Variants in ABCC2 observed in about 807,000 individuals in gnomAD.
ABCC2 encodes the protein ATP-binding cassette sub-family C member 2.
A neutral mutation model predicts 173.4 loss-of-function variants in ABCC2; 157 were observed. The observed-to-expected ratio is 0.91, with a 90% CI of 0.80 to 1.03. The LOEUF (loss-of-function observed/expected upper bound fraction) is 1.03. Ranked by LOEUF, ABCC2 falls within the 50% of genes least tolerant of loss-of-function variation. ABCC2 has a pLI of 0.00. For synonymous variants in ABCC2, 657 were observed against 693.5 expected, an observed-to-expected ratio of 0.95 and a Z score of 0.83; for missense variants, 1,822 against 1,852.3, an observed-to-expected ratio of 0.98 and a Z score of 0.30.
At chr10:99,845,601 G>A in intron 28 of ABCC2, 23 bp from the exon 29 acceptor site, 1 of 1,613,984 alleles carries the variant, frequency 6.2e-7, no homozygotes. Flanking sequence ...TGGAACTAAT[G>A]TGTAAGGGAA....
intron 15 of ABCC2, among the ~76,000 whole-genome samples, chr10:99,812,006 C>A (rs1010143350): frequency 6.6e-6 from 1 of 152,216 alleles, no homozygotes; most frequent in Non-Finnish European, 1.5e-5. Flanking sequence ...AATCTGGCTT[C>A]TCAGTGTGTA....
Position 99,794,134 on chromosome 10 carries a change from G to T in ABCC2, c.576+135G>T, listed in dbSNP as rs1000888356. ...GGTAGTACAGACCATTTTATGACAAGGAAACAGATAGTGATGAGAGTAAAA... is the reference window on the plus strand; with the variant it reads ...GGTAGTACAGACCATTTTATGACAATGAAACAGATAGTGATGAGAGTAAAA... On this transcript the variant is annotated intron_variant, in intron 5 of 31. Coordinates refer to ENST00000647814, the MANE Select transcript of ABCC2 (RefSeq NM_000392.5). The T allele has an allele frequency of 7.6e-6, 6 of 789,468 alleles. No homozygotes were observed. The African/African-American group carries it at 9.6e-5, about 13-fold the overall frequency. The allele number at this position is 789,468 out of a possible 1,614,324, so 48.9% of individuals were successfully genotyped here. A position where few individuals can be genotyped will look rare whatever the true frequency, so the allele number is the denominator to read the frequency against.
At chr10:99,811,661 T>C in intron 15 of ABCC2, 59 bp downstream of exon 15, 1 of 1,578,782 alleles carries the variant, frequency 6.3e-7, no homozygotes, top group Non-Finnish European at 8.7e-7. Flanking sequence ...TGGCCTATTC[T>C]CAGAAAATTC....
chr10:99,850,652 C>A lies in ABCC2; in HGVS notation c.4364C>A (p.Ser1455Tyr), dbSNP rs1451051789. 1.2e-6 allele frequency: 2 copies of A among 1,614,114 alleles called. No homozygotes were observed. The highest frequency in any genetic ancestry group is 2.7e-5 in the African/African-American group (2 of 74,934). The stretch of plus-strand genomic sequence containing the variant: ...CTGGGCAGGGCTCTGCTTCGGAAAT[C>A]CAAGATCCTGGTCCTGGATGAGGCC... Reference protein sequence around the residue: ...LCLGRALLRKSKILVLDEATA... With the variant: ...LCLGRALLRKYKILVLDEATA... The change falls in exon 31 of 32, where the codon TCC becomes TAC. Residue 1455 changes from serine to tyrosine, a missense_variant. Physicochemically the swap from Ser to Tyr is moderately radical, Grantham distance 144. Coordinates refer to ENST00000647814, the MANE Select transcript of ABCC2 (RefSeq NM_000392.5).
chr10:99,825,422 T>C (rs1242952974), intron 19 of ABCC2, among the ~76,000 whole-genome samples: 1 of 152,264 alleles, frequency 6.6e-6, no homozygotes, highest in African/African-American at 2.4e-5. Flanking sequence ...CCCTTCAAAC[T>C]GTTTTCCTTG....
rs1164189710 is a variant in ABCC2 at position 99,808,141 on chromosome 10, C to A, written c.1727C>A (p.Ala576Glu). 1 of 1,614,036 alleles carries A rather than the reference C, an allele frequency of 6.2e-7. No homozygotes were observed. Among genetic ancestry groups the A allele is most frequent in the East Asian group, 2.2e-5 (1 of 44,868 alleles). The stretch of plus-strand genomic sequence containing the variant: ...GTGGATAGCAACAATATTTTGGATG[C>A]ACAAAAGGCCTTCACCTCCATTACC... ...VLVDSNNILDAQKAFTSITLF... is the reference protein window; with the variant it reads ...VLVDSNNILDEQKAFTSITLF... Residue 576 changes from alanine to glutamate, a missense_variant, in exon 13 of 32, where the codon GCA (alanine) becomes GAA (glutamate). Physicochemically the swap from Ala to Glu is moderately radical, Grantham distance 107. Transcript: ENST00000647814.
chr10:99,824,618 T>C (rs1221815797), intron 19 of ABCC2, among the ~76,000 whole-genome samples: 3 of 151,022 alleles, frequency 2.0e-5, no homozygotes, highest in Admixed American at 1.3e-4. Flanking sequence ...TATTTATGGC[T>C]GGTATAGTAA....
chr10:99,815,198 T>C (rs113744256), intron 16 of ABCC2, among the ~76,000 whole-genome samples: 11 of 152,208 alleles, frequency 7.2e-5, no homozygotes, highest in African/African-American at 2.4e-4. Context: ...CAAGCAGTGT[T>C]TGGTTTTCTG....
At chr10:99,785,107 A>C (rs2037683379) in intron 2 of ABCC2, among the ~76,000 whole-genome samples, 1 of 152,156 alleles carries the variant, frequency 6.6e-6, no homozygotes, top group Non-Finnish European at 1.5e-5. Flanking sequence ...AGCTCTAATA[A>C]ATCAGTGGAC....
At chr10:99,797,563 G>T in intron 7 of ABCC2, 1 of 533,476 alleles carries the variant, frequency 1.9e-6, no homozygotes. Context: ...AATGAAACGT[G>T]GTTTTGAAAA....
chr10:99,788,077 A>AT (rs2037749261), intron 2 of ABCC2, among the ~76,000 whole-genome samples: 1 of 151,576 alleles, frequency 6.6e-6, no homozygotes, highest in Non-Finnish European at 1.5e-5. Flanking sequence ...AAAAAAAAAA[A>AT]GAAAAAAAAG....
At position 99,842,047 on chromosome 10, in the gene ABCC2, C is replaced by T. The variant is rs1355618741; in HGVS notation, c.3695C>T (p.Thr1232Ile). ...SALMMVIYRD[T>I]LSGDTVGFVL... Reference sequence around the variant, plus strand: ...TTGATGATGGTTATTTATAGAGATACCCTAAGTGGGGACACTGTTGGCTTT... The same window carrying T: ...TTGATGATGGTTATTTATAGAGATATCCTAAGTGGGGACACTGTTGGCTTT... Residue 1232 changes from threonine (T) to isoleucine (I), a missense_variant, in exon 26 of 32, where the codon ACC becomes ATC. Thr to Ile is a moderately conservative substitution (Grantham distance 89). Transcript: ENST00000647814. 2 of 1,614,182 alleles carry T rather than the reference C, an allele frequency of 1.2e-6. No individual in the cohort carries two copies. Among genetic ancestry groups the T allele is most frequent in the Non-Finnish European group, 1.7e-6 (2 of 1,180,028 alleles).
In ABCC2 at chr10:99,814,628, C is replaced by T. The variant is rs867854410; in HGVS notation, c.2094+1484C>T. ...ATATGTGTATATACACATATACACACATATGTGTATATACACATATACACA... is the reference window on the plus strand; with the variant it reads ...ATATGTGTATATACACATATACACATATATGTGTATATACACATATACACA... On this transcript the variant is annotated intron_variant, in intron 16 of 31. Transcript: ENST00000647814. 1.1e-4 allele frequency among the ~76,000 whole-genome samples: 9 copies of T among 84,396 alleles called. No homozygotes were observed. The East Asian group carries it at 1.8e-3, about 17-fold the overall frequency. 55.4% of individuals were successfully genotyped at this position (84,396 alleles called of 152,430 possible).
At chr10:99,791,141 C>T (rs2037805012) in intron 2 of ABCC2, among the ~76,000 whole-genome samples, 1 of 152,154 alleles carries the variant, frequency 6.6e-6, no homozygotes. Context: ...AGTGTGGTGG[C>T]TTATGCTTGT....
rs758360846 is a variant in ABCC2, at chr10:99,793,956, T to A, written c.533T>A (p.Ile178Asn). ...FFISYGFQIL[I>N]LIFSAFSENN... Reference sequence around the variant, plus strand: ...ATCTCCTACGGATTCCAGATCCTGATCCTGATCTTTTCAGCATTTTCAGAA... The same window carrying A: ...ATCTCCTACGGATTCCAGATCCTGAACCTGATCTTTTCAGCATTTTCAGAA... The change falls in exon 5 of 32, where the codon ATC becomes AAC. Residue 178 changes from isoleucine (I) to asparagine (N), a missense_variant. Transcript: ENST00000647814. 1 of 1,613,876 alleles carries A rather than the reference T, an allele frequency of 6.2e-7. No homozygotes were observed. The highest frequency in any genetic ancestry group is 2.2e-5 in the East Asian group (1 of 44,876).
intron 25 of ABCC2, 28 bp downstream of exon 25, chr10:99,836,318 T>C: frequency 6.2e-7 from 1 of 1,609,920 alleles, no homozygotes; most frequent in African/African-American, 1.3e-5. Flanking sequence ...TATTTACCCA[T>C]GTGTGTACTT....
At chr10:99,798,764 A>G (rs1366259004) in intron 7 of ABCC2, among the ~76,000 whole-genome samples, 4 of 152,152 alleles carry the variant, frequency 2.6e-5, no homozygotes, top group Non-Finnish European at 5.9e-5. Context: ...CTTTCGAAAT[A>G]AGGCACATTT....
intron 19 of ABCC2, among the ~76,000 whole-genome samples, chr10:99,821,447 A>G (rs972297941): frequency 9.2e-5 from 14 of 152,242 alleles, no homozygotes; most frequent in Admixed American, 4.6e-4. Flanking sequence ...ATTTCAGACT[A>G]TCACATGGGG....
In ABCC2 at chr10:99,831,784, G is replaced by A. The variant is rs144521346; in HGVS notation, c.3057G>A (p.Gln1019=). 6.2e-7 allele frequency: 1 copy of A among 1,614,190 alleles called. No homozygotes were observed. Among genetic ancestry groups the A allele is most frequent in the East Asian group, 2.2e-5 (1 of 44,890 alleles). The change falls in exon 22 of 32, where the codon CAG becomes CAA. Residue 1019 remains glutamine (Q), a synonymous_variant. Coordinates refer to ENST00000647814, the MANE Select transcript of ABCC2 (RefSeq NM_000392.5). The part of the protein sequence containing the change: ...IFNSTDYPAS[Q]RDMRVGVYGA... ...ATAGCACCGACTATCCAGCATCTCA[G>A]AGGGACATGAGAGTTGGAGTCTACG...
Sources: allele counts gnomAD v4.1 joint callset (sites outside exome capture counted in the v4.1 genomes callset), GRCh38; gene constraint gnomAD v4.1.1; transcripts MANE v1.5; gene names NCBI Gene and HGNC (gene_info 2026-07-23, HGNC 2026-07-21).